Variants in CAPN14 observed in about 807,000 individuals in gnomAD.
CAPN14 encodes calpain 14, also known as calpain-14.
CAPN14 carries 94 observed loss-of-function variants against 101.3 expected under a neutral mutation model. The ratio of observed to expected loss-of-function variants is 0.93; its 90% CI spans 0.79 to 1.10. The LOEUF (loss-of-function observed/expected upper bound fraction) is 1.10, where lower values mean the gene tolerates loss of function less well. Among genes scored for constraint, CAPN14 ranks in the 50% least tolerant of loss-of-function variants. The pLI is 0.00. For missense variants in CAPN14, 837 were observed against 828.4 expected, an observed-to-expected ratio of 1.01 and a Z score of -0.13; for synonymous variants, 338 against 317.9, an observed-to-expected ratio of 1.06 and a Z score of -0.67.
rs1464741001 is a variant in CAPN14, at chr2:31,203,219, C to T, written c.226-80G>A. ...GCTACAGTGACCACGTTTTCCCATA[C>T]CCCAAAACTGTACTTATGGGGACAA... On this transcript the variant is annotated intron_variant, in intron 2 of 21. Coordinates refer to ENST00000403897, the MANE Select transcript of CAPN14 (RefSeq NM_001145122.2). 3.6e-6 allele frequency: 4 copies of T among 1,102,962 alleles called. No homozygotes were observed. The East Asian group carries it at 7.7e-5, about 21-fold the overall frequency. 68.3% of individuals were successfully genotyped at this position (1,102,962 alleles called of 1,614,324 possible). A position where few individuals can be genotyped will look rare whatever the true frequency, so the allele number is the denominator to read the frequency against.
chr2:31,181,035 G>A (rs1209849104), intron 16 of CAPN14, 35 bp from the exon 17 acceptor site: 3 of 1,534,430 alleles, frequency 2.0e-6, no homozygotes, highest in Admixed American at 2.0e-5. Context: ...ATGGGGGCTG[G>A]CCCCAGGTCT....
Position 31,180,933 on chromosome 2 carries a change from T to C in CAPN14, c.1710+3A>G. 1 of 1,551,510 alleles carries C rather than the reference T, an allele frequency of 6.4e-7. No individual in the cohort carries two copies. ...GCATCCACCCACAAACCTGAAAGGA[T>C]ACGTCCAGTAAGGCCAGGATCCCCT... On this transcript the variant is annotated splice_donor_region_variant and intron_variant, in intron 17 of 21. Transcript: ENST00000403897.
rs1165055397 is a variant in CAPN14 at position 31,189,544 on chromosome 2, C to T, written c.1288-66G>A. 5 of 1,314,770 alleles carry T rather than the reference C, an allele frequency of 3.8e-6. No individual in the cohort carries two copies. In the East Asian group the frequency reaches 7.5e-5, roughly 20 times the overall value. 81.4% of individuals were successfully genotyped at this position (1,314,770 alleles called of 1,614,324 possible). A position where few individuals can be genotyped will look rare whatever the true frequency, so the allele number is the denominator to read the frequency against. On this transcript the variant is annotated intron_variant, in intron 12 of 21. Transcript: ENST00000403897. ...CCCAGGGCTGTGGCCAGGCCTGAGG[C>T]CCTCAAAGCTCTGAGCCAGGACTAA...
chr2:31,225,622 T>C (rs1017575033), intron 2 of CAPN14, among the ~76,000 whole-genome samples: 1 of 152,090 alleles, frequency 6.6e-6, no homozygotes, highest in Non-Finnish European at 1.5e-5. Flanking sequence ...TGACAATAAT[T>C]TTGCAAATGA....
At chr2:31,210,434 C>T (rs183258403) in intron 1 of CAPN14, among the ~76,000 whole-genome samples, 2 of 142,852 alleles carry the variant, frequency 1.4e-5, no homozygotes, top group Admixed American at 6.8e-5. Context: ...GGCGACAGAG[C>T]GTGTCTCCAT....
chr2:31,233,184 A>G (rs187614535), intron 1 of CAPN14, among the ~76,000 whole-genome samples: 41 of 152,308 alleles, frequency 2.7e-4, no homozygotes, highest in African/African-American at 9.9e-4. Flanking sequence ...TAATGTAACA[A>G]TGATTAGTAA....
chr2:31,178,707 T>C (rs1419772665), intron 17 of CAPN14, 128 bp from the exon 18 acceptor site: 2 of 614,950 alleles, frequency 3.3e-6, no homozygotes, highest in Non-Finnish European at 5.5e-6. Flanking sequence ...TCATGTCTGA[T>C]TTCGCTAGTT....
At chr2:31,184,033 C>T (rs1043903684) in intron 16 of CAPN14, among the ~76,000 whole-genome samples, 3 of 152,270 alleles carry the variant, frequency 2.0e-5, no homozygotes, top group Admixed American at 6.5e-5. Flanking sequence ...AGGAGCGCGC[C>T]ACCACATCTG....
chr2:31,229,538 T>C (rs1246778277), intron 1 of CAPN14, among the ~76,000 whole-genome samples: 1 of 151,924 alleles, frequency 6.6e-6, no homozygotes, highest in Non-Finnish European at 1.5e-5. Flanking sequence ...TAGCCAGGTG[T>C]GGTGGCTCAT....
chr2:31,228,977 T>C (rs1162014832), intron 1 of CAPN14, among the ~76,000 whole-genome samples: 1 of 152,204 alleles, frequency 6.6e-6, no homozygotes. Context: ...GAGAGGGCCC[T>C]GTGGAGCCAG....
intron 3 of CAPN14, 78 bp from the exon 4 acceptor site, chr2:31,202,330 C>T (rs1681837260): frequency 9.3e-7 from 1 of 1,080,416 alleles, no homozygotes; most frequent in African/African-American, 1.6e-5. Context: ...GTCCCAATGG[C>T]CACCCTCTCT....
At chr2:31,227,835 T>C (rs1683069372) in intron 1 of CAPN14, among the ~76,000 whole-genome samples, 1 of 152,202 alleles carries the variant, frequency 6.6e-6, no homozygotes, top group Non-Finnish European at 1.5e-5. Context: ...AATTTAAACA[T>C]GTAATTATAG....
intron 1 of CAPN14, among the ~76,000 whole-genome samples, chr2:31,212,373 C>T (rs1011890034): frequency 6.6e-6 from 1 of 151,314 alleles, no homozygotes; most frequent in African/African-American, 2.4e-5. Context: ...ATAATCATGC[C>T]TCAATATAGT....
chr2:31,174,542 C>T lies in CAPN14; in HGVS notation c.*139G>A. On this transcript the variant is annotated 3_prime_UTR_variant, in exon 22 of 22. Transcript: ENST00000403897. ...ACGGGGAGGGCTGCAGAAGAGAAAC[C>T]TTCCCAGCTGAGAAGGTGACGGCTA... The T allele has an allele frequency of 1.2e-6, 1 of 850,118 alleles. No homozygotes were observed. The highest frequency in any genetic ancestry group is 2.7e-5 in the East Asian group (1 of 37,186). 52.7% of individuals were successfully genotyped at this position (850,118 alleles called of 1,614,324 possible). A position where few individuals can be genotyped will look rare whatever the true frequency, so the allele number is the denominator to read the frequency against.
At chr2:31,213,919 A>T (rs768168266) in intron 1 of CAPN14, among the ~76,000 whole-genome samples, 1 of 152,130 alleles carries the variant, frequency 6.6e-6, no homozygotes, top group Non-Finnish European at 1.5e-5. Flanking sequence ...AATGGTTTGA[A>T]AGGCTTTAAA....
chr2:31,212,732 T>C (rs1421375137), intron 1 of CAPN14, among the ~76,000 whole-genome samples: 1 of 152,218 alleles, frequency 6.6e-6, no homozygotes, highest in Non-Finnish European at 1.5e-5. Flanking sequence ...ACACCTACTA[T>C]GTGCTAGACA....
rs1056087800 is a variant in CAPN14 at position 31,176,597 on chromosome 2, T to C, written c.2018A>G (p.Gln673Arg). ...LTQDGKGIYL[Q>R]KPEWMMMALY... The stretch of plus-strand genomic sequence containing the variant: ...TGGGGCAAGTCTTACCTCTGGCTTC[T>C]GGAGGTATATCCCTTTGCCATCTTG... Residue 673 changes from glutamine to arginine, a missense_variant, in exon 21 of 22, where the codon CAG (glutamine) becomes CGG (arginine). Physicochemically the swap from Gln to Arg is conservative, Grantham distance 43. Coordinates refer to ENST00000403897, the MANE Select transcript of CAPN14 (RefSeq NM_001145122.2). 1 of 1,551,570 alleles carries C rather than the reference T, an allele frequency of 6.4e-7. No homozygotes were observed. Among genetic ancestry groups the C allele is most frequent in the African/African-American group, 1.4e-5 (1 of 73,068 alleles).
chr2:31,233,726 T>C (rs1297986561), intron 1 of CAPN14: 1 of 151,580 alleles, frequency 6.6e-6, no homozygotes, highest in Non-Finnish European at 1.5e-5. Flanking sequence ...GGTTATTTTG[T>C]GTAACCTGAT....
chr2:31,193,062 T>C (rs927623246), intron 10 of CAPN14, 69 bp downstream of exon 10: 2 of 1,420,712 alleles, frequency 1.4e-6, no homozygotes, highest in Admixed American at 2.1e-5. Flanking sequence ...TGCAACCCCC[T>C]GTGCAGTCAT....
Sources: gnomAD v4.1 joint callset for allele counts (sites outside exome capture counted in the v4.1 genomes callset) on GRCh38, gnomAD v4.1.1 for gene constraint, MANE v1.5 for transcripts, NCBI Gene and HGNC (gene_info 2026-07-23, HGNC 2026-07-21) for gene names.